The following RFC3 variants were observed in gnomAD, a reference collection of about 807,000 sequenced individuals.
The protein encoded by RFC3 is replication factor C subunit 3, also known as A1 38 kDa subunit.
A neutral mutation model predicts 45.1 loss-of-function variants in RFC3; 41 were observed. The observed-to-expected ratio is 0.91, with a 90% CI of 0.71 to 1.18. The LOEUF is 1.18. RFC3 is among the 50% of genes most tolerant of loss of function. The probability of loss-of-function intolerance (pLI) is 0.00; values close to 1 mark genes in which losing one functional copy is unlikely to be tolerated. For synonymous variants in RFC3, 149 were observed against 144.0 expected (o/e 1.03, Z -0.25); for missense variants, 423 against 428.1 (o/e 0.99, Z 0.10).
At chr13:33,968,811 G>A (rs958676276), downstream of RFC3, among the ~76,000 whole-genome samples, 5 of 152,128 alleles carry the variant, frequency 3.3e-5, no homozygotes, top group South Asian at 6.2e-4. Context: ...TGCCTCTTAC[G>A]TTGTCTTGGA....
At chr13:33,880,805 C>T (rs910747815) in intron 8 of RFC3, among the ~76,000 whole-genome samples, 9 of 152,098 alleles carry the variant, frequency 5.9e-5, no homozygotes, top group South Asian at 2.1e-4. Flanking sequence ...CGGTGGCGCA[C>T]GCCTGTACTT....
intron 8 of RFC3, among the ~76,000 whole-genome samples, chr13:33,914,755 A>G (rs1299006592): frequency 2.6e-5 from 4 of 152,188 alleles, no homozygotes; most frequent in Non-Finnish European, 4.4e-5. Flanking sequence ...GCAGCTATTT[A>G]TAATGTTTAC....
At chr13:33,932,342 A>T (rs2082857917) in intron 8 of RFC3, among the ~76,000 whole-genome samples, 1 of 152,158 alleles carries the variant, frequency 6.6e-6, no homozygotes, top group African/African-American at 2.4e-5. Flanking sequence ...AAATTCAAAA[A>T]GGGGAAGAAA....
At chr13:33,831,907 T>C (rs1256372123) in intron 7 of RFC3, among the ~76,000 whole-genome samples, 1 of 152,206 alleles carries the variant, frequency 6.6e-6, no homozygotes, top group Non-Finnish European at 1.5e-5. Context: ...AAAAGAGTTA[T>C]TAATGGTTTG....
chr13:33,850,522 T>C (rs952777586), intron 8 of RFC3: 1 of 152,124 alleles, frequency 6.6e-6, no homozygotes, highest in Non-Finnish European at 1.5e-5. Context: ...TGATTTTAAA[T>C]TAATTGAAAT....
At chr13:33,923,667 G>A (rs1387630314) in intron 8 of RFC3, among the ~76,000 whole-genome samples, 1 of 152,132 alleles carries the variant, frequency 6.6e-6, no homozygotes, top group Non-Finnish European at 1.5e-5. Context: ...ACAACCACAG[G>A]AGGAGGTGAG....
At chr13:33,924,868 C>G (rs896449650) in intron 8 of RFC3, among the ~76,000 whole-genome samples, 1 of 150,046 alleles carries the variant, frequency 6.7e-6, no homozygotes, top group Non-Finnish European at 1.5e-5. Flanking sequence ...GTATTGTATA[C>G]TTAAAATTTG....
intron 8 of RFC3, among the ~76,000 whole-genome samples, chr13:33,920,450 C>T (rs1199593039): frequency 3.1e-5 from 3 of 96,926 alleles, no homozygotes; most frequent in East Asian, 3.1e-4. Context: ...TTTTTTGCAA[C>T]AAGGTCCTCA....
At chr13:33,879,949 C>T (rs573952696) in intron 8 of RFC3, among the ~76,000 whole-genome samples, 96 of 152,260 alleles carry the variant, frequency 6.3e-4, no homozygotes, top group Middle Eastern at 6.8e-3. Context: ...TTAAGTCTTT[C>T]GCATATTGCA....
chr13:33,836,578 A>G lies in RFC3; in HGVS notation c.*283A>G, dbSNP rs747940297. On this transcript the variant is annotated 3_prime_UTR_variant, in exon 9 of 9. Coordinates refer to ENST00000380071, the MANE Select transcript of RFC3 (RefSeq NM_002915.4). The stretch of plus-strand genomic sequence containing the variant: ...TCAAGTATTCATTGTTGATCCTCCT[A>G]TTCTCTTCCGTCTAATCTCTCACCT... 4 of 1,086,482 alleles carry G rather than the reference A, an allele frequency of 3.7e-6. No homozygotes were observed. Among genetic ancestry groups the G allele is most frequent in the Non-Finnish European group, 4.5e-6 (4 of 892,216 alleles). The allele number at this position is 1,086,482 out of a possible 1,614,324, so 67.3% of individuals were successfully genotyped here.
At chr13:33,858,222 A>C (rs1218952390) in intron 8 of RFC3, among the ~76,000 whole-genome samples, 1 of 152,084 alleles carries the variant, frequency 6.6e-6, no homozygotes, top group African/African-American at 2.4e-5. Flanking sequence ...TGACTTCTCC[A>C]TTTCTTTTTA....
intron 8 of RFC3, among the ~76,000 whole-genome samples, chr13:33,902,618 A>G (rs1405395234): frequency 6.6e-6 from 1 of 152,046 alleles, no homozygotes; most frequent in Non-Finnish European, 1.5e-5. Flanking sequence ...TATCAGTTAT[A>G]CTTCCCAAGT....
chr13:33,878,943 A>G (rs960609513), intron 8 of RFC3, among the ~76,000 whole-genome samples: 3 of 152,170 alleles, frequency 2.0e-5, no homozygotes, highest in Non-Finnish European at 2.9e-5. Flanking sequence ...AGGCAAGCAT[A>G]AAAGGGGATG....
At chr13:33,887,910 C>G (rs912351063) in intron 8 of RFC3, among the ~76,000 whole-genome samples, 4 of 151,960 alleles carry the variant, frequency 2.6e-5, no homozygotes, top group Non-Finnish European at 5.9e-5. Context: ...TCTTGTTTTT[C>G]TCAGGTTTGT....
downstream of RFC3, among the ~76,000 whole-genome samples, chr13:33,969,488 A>G (rs2083101495): frequency 1.3e-5 from 2 of 152,204 alleles, no homozygotes; most frequent in South Asian, 4.1e-4. Flanking sequence ...GAACACAGAG[A>G]CAAAGCCCCT....
intron 8 of RFC3, among the ~76,000 whole-genome samples, chr13:33,940,198 T>C (rs1244176231): frequency 6.6e-6 from 1 of 152,220 alleles, no homozygotes; most frequent in Non-Finnish European, 1.5e-5. Flanking sequence ...ACCTTTCTTC[T>C]GTTTTAATAT....
intron 8 of RFC3, among the ~76,000 whole-genome samples, chr13:33,844,101 G>A (rs1236523857): frequency 6.6e-6 from 1 of 152,138 alleles, no homozygotes; most frequent in Non-Finnish European, 1.5e-5. Flanking sequence ...GTATCTAGTG[G>A]TTATGAATGA....
chr13:33,931,012 G>A (rs1310386916), intron 8 of RFC3, among the ~76,000 whole-genome samples: 1 of 151,814 alleles, frequency 6.6e-6, no homozygotes, highest in Non-Finnish European at 1.5e-5. Context: ...GCTTATGATT[G>A]GGGCAAATTT....
intron 8 of RFC3, among the ~76,000 whole-genome samples, chr13:33,921,253 T>C (rs2082766968): frequency 6.6e-6 from 1 of 152,168 alleles, no homozygotes. Flanking sequence ...TGGCAGCGGC[T>C]AAGTGCTGTC....
Sources: allele counts gnomAD v4.1 joint callset (sites outside exome capture counted in the v4.1 genomes callset), GRCh38; gene constraint gnomAD v4.1.1; transcripts MANE v1.5; gene names NCBI Gene and HGNC (gene_info 2026-07-23, HGNC 2026-07-21).